Variants in ACADSB observed in about 807,000 individuals in gnomAD.
ACADSB encodes short/branched chain specific acyl-CoA dehydrogenase, mitochondrial.
A neutral mutation model predicts 54.1 loss-of-function variants in ACADSB; 40 were observed. The ratio of observed to expected loss-of-function variants is 0.74; its 90% CI spans 0.57 to 0.96. The LOEUF (loss-of-function observed/expected upper bound fraction) is 0.96. ACADSB is among the 40% of genes least tolerant of loss of function. The pLI is 0.00. For missense variants in ACADSB, 530 were observed against 510.4 expected (o/e 1.04, Z -0.37); for synonymous variants, 182 against 182.8 (o/e 1.00, Z 0.03).
At chr10:123,022,357 A>G (rs1047152296) in intron 1 of ACADSB, among the ~76,000 whole-genome samples, 1 of 152,208 alleles carries the variant, frequency 6.6e-6, no homozygotes, top group African/African-American at 2.4e-5. Flanking sequence ...CCATTGTAAA[A>G]TGATGAAGCC....
At chr10:123,050,440 G>T (rs1001404553) in intron 8 of ACADSB, among the ~76,000 whole-genome samples, 2 of 152,172 alleles carry the variant, frequency 1.3e-5, no homozygotes, top group South Asian at 2.1e-4. Flanking sequence ...GTAAACATCT[G>T]TGCCTGTTAT....
intron 2 of ACADSB, among the ~76,000 whole-genome samples, chr10:123,034,987 A>T (rs1224317996): frequency 6.7e-6 from 1 of 149,022 alleles, no homozygotes; most frequent in Admixed American, 6.7e-5. Context: ...TCTCACTCTG[A>T]CACCCAGGCT....
intron 1 of ACADSB, among the ~76,000 whole-genome samples, chr10:123,012,776 G>A (rs1270224286): frequency 6.6e-6 from 1 of 152,206 alleles, no homozygotes; most frequent in Non-Finnish European, 1.5e-5. Context: ...AGATTGAGCA[G>A]CGGCAAGATT....
rs1850718170 is a variant in ACADSB at position 123,057,057 on chromosome 10, A to G, written c.*3292A>G. On this transcript the variant is annotated 3_prime_UTR_variant, in exon 11 of 11. Coordinates refer to ENST00000358776, the MANE Select transcript of ACADSB (RefSeq NM_001609.4). The stretch of plus-strand genomic sequence containing the variant: ...GAGTATGACATGGATGAAATGCCCT[A>G]CAGGGGCCTTGGACATCTTTAATTT... 6.5e-6 allele frequency: 1 copy of G among 152,678 alleles called. No homozygotes were observed. Among genetic ancestry groups the G allele is most frequent in the South Asian group, 2.1e-4 (1 of 4,834 alleles). 9.5% of individuals were successfully genotyped at this position (152,678 alleles called of 1,614,324 possible).
At chr10:123,021,644 T>C (rs149662540) in intron 1 of ACADSB, among the ~76,000 whole-genome samples, 406 of 152,330 alleles carry the variant, frequency 2.7e-3, no homozygotes, top group Non-Finnish European at 4.8e-3. Flanking sequence ...ACTACACAGA[T>C]AGACAAAACG....
Position 123,052,938 on chromosome 10 carries a change from G to A in ACADSB, c.1129-123G>A. ...CTGAAGAGACAATGCTAGTTTAGAA[G>A]ATAACTTTAGTCCTTCCAGTGCCAC... On this transcript the variant is annotated intron_variant, in intron 9 of 10. Transcript: ENST00000358776. The surrounding 1 kb of genome is among the most constrained non-coding windows in gnomAD (Gnocchi z 4.2). 1.3e-6 allele frequency: 1 copy of A among 750,148 alleles called. No homozygotes were observed. The highest frequency in any genetic ancestry group is 2.4e-6 in the Non-Finnish European group (1 of 418,864). The allele number at this position is 750,148 out of a possible 1,614,324, so 46.5% of individuals were successfully genotyped here. A position where few individuals can be genotyped will look rare whatever the true frequency, so the allele number is the denominator to read the frequency against.
At chr10:123,051,949 C>G (rs1348622107) in intron 9 of ACADSB, among the ~76,000 whole-genome samples, 4 of 152,110 alleles carry the variant, frequency 2.6e-5, no homozygotes, top group Non-Finnish European at 5.9e-5. Flanking sequence ...ATGATTCTAC[C>G]CCTAAAAGAT....
At position 123,052,165 on chromosome 10, in the gene ACADSB, C is replaced by T. The variant is rs1850641206; in HGVS notation, c.1129-896C>T. Among the ~76,000 whole-genome samples, 1 of 152,176 alleles carries T rather than the reference C, an allele frequency of 6.6e-6. No individual in the cohort carries two copies. Among genetic ancestry groups the T allele is most frequent in the East Asian group, 1.9e-4 (1 of 5,198 alleles). On this transcript the variant is annotated intron_variant, in intron 9 of 10. Coordinates refer to ENST00000358776, the MANE Select transcript of ACADSB (RefSeq NM_001609.4). This position sits in a 1 kb window ranked among gnomAD's most constrained non-coding sequence, Gnocchi z 4.2. ...TATCTGTACTAGATTCCAATTGCTG[C>T]TATAACAAATTACCAAAAAGTCGGG... is the stretch of plus-strand genomic sequence containing the variant.
intron 1 of ACADSB, among the ~76,000 whole-genome samples, chr10:123,013,839 T>A (rs1850076469): frequency 6.6e-6 from 1 of 152,166 alleles, no homozygotes; most frequent in Admixed American, 6.5e-5. Context: ...GAACTCTAGC[T>A]GGCCCACAAG....
intron 8 of ACADSB, among the ~76,000 whole-genome samples, chr10:123,050,259 G>A (rs1158927039): frequency 6.6e-6 from 1 of 152,112 alleles, no homozygotes; most frequent in Non-Finnish European, 1.5e-5. Context: ...TTATTTAATT[G>A]TCTGTTCTTC....
chr10:123,018,967 A>G (rs974360040), intron 1 of ACADSB, among the ~76,000 whole-genome samples: 7 of 152,212 alleles, frequency 4.6e-5, no homozygotes, highest in African/African-American at 1.7e-4. Context: ...AAACCATATC[A>G]AGCAGGTATG....
At chr10:123,023,176 T>C (rs1045170049) in intron 1 of ACADSB, among the ~76,000 whole-genome samples, 1 of 152,188 alleles carries the variant, frequency 6.6e-6, no homozygotes, top group African/African-American at 2.4e-5. Context: ...CAAACGAAGA[T>C]CATTTTGTTT....
chr10:123,052,018 A>G lies in ACADSB; in HGVS notation c.1128+832A>G, dbSNP rs78327914. 0.095 allele frequency among the ~76,000 whole-genome samples: 14,369 copies of G among 152,032 alleles called. 761 individuals carry two copies. The highest frequency in any genetic ancestry group is 0.11 in the Non-Finnish European group (7,751 of 67,964). ...GCCACCTCTGTACTTCAGTCACCTC[A>G]CTGCCCTCCTGGTCCCTGGTGCTTC... On this transcript the variant is annotated intron_variant, in intron 9 of 10. Transcript: ENST00000358776. This position sits in a 1 kb window ranked among gnomAD's most constrained non-coding sequence, Gnocchi z 4.2.
intron 1 of ACADSB, among the ~76,000 whole-genome samples, chr10:123,009,830 T>A (rs1489061127): frequency 1.3e-5 from 2 of 152,278 alleles, no homozygotes; most frequent in East Asian, 3.8e-4. Context: ...ACCTATTATA[T>A]AGCATGCTTT....
At chr10:123,046,077 T>C (rs1850558250) in intron 7 of ACADSB, among the ~76,000 whole-genome samples, 1 of 152,250 alleles carries the variant, frequency 6.6e-6, no homozygotes, top group African/African-American at 2.4e-5. Flanking sequence ...ATATAGGGTA[T>C]TATTTATGTA....
At chr10:123,031,401 A>G (rs980785029) in intron 1 of ACADSB, among the ~76,000 whole-genome samples, 5 of 152,248 alleles carry the variant, frequency 3.3e-5, no homozygotes, top group African/African-American at 1.2e-4. Flanking sequence ...CAAGGCATAA[A>G]TAGCCATTAT....
rs1850519290 is a variant in ACADSB, at chr10:123,044,271, G to A, written c.808-122G>A. ...AAACAGCGTAGAGGGAGACACAGAT[G>A]CCGGCAAGTTCTGTGAGAGGGCTAG... On this transcript the variant is annotated intron_variant, in intron 6 of 10. Coordinates refer to ENST00000358776, the MANE Select transcript of ACADSB (RefSeq NM_001609.4). 7 of 813,426 alleles carry A rather than the reference G, an allele frequency of 8.6e-6. No individual in the cohort carries two copies. In the Admixed American group the frequency reaches 1.2e-4, roughly 14 times the overall value. The allele number at this position is 813,426 out of a possible 1,614,324, so 50.4% of individuals were successfully genotyped here. A position where few individuals can be genotyped will look rare whatever the true frequency, so the allele number is the denominator to read the frequency against.
At chr10:123,009,375 G>A (rs991964629) in intron 1 of ACADSB, among the ~76,000 whole-genome samples, 3 of 152,148 alleles carry the variant, frequency 2.0e-5, no homozygotes, top group Admixed American at 6.5e-5. Flanking sequence ...CGTCCTGAGA[G>A]CCACCGAGTC....
intron 8 of ACADSB, among the ~76,000 whole-genome samples, chr10:123,048,534 T>G (rs1850589786): frequency 6.6e-6 from 1 of 151,978 alleles, no homozygotes; most frequent in Non-Finnish European, 1.5e-5. Flanking sequence ...GTAAAGGTTG[T>G]TTTGAAGGGA....
Sources: allele counts gnomAD v4.1 joint callset (sites outside exome capture counted in the v4.1 genomes callset), GRCh38; gene constraint gnomAD v4.1.1; non-coding constraint Gnocchi (gnomAD v3.1); transcripts MANE v1.5; gene names NCBI Gene and HGNC (gene_info 2026-07-23, HGNC 2026-07-21).